Variants in NBPF3 observed in about 807,000 individuals in gnomAD.
NBPF3 encodes NBPF member 3, also known as NBPF family member NBPF3.
NBPF3 carries 57 observed loss-of-function variants against 78.1 expected under a neutral mutation model. The ratio of observed to expected loss-of-function variants is 0.73; its 90% CI spans 0.59 to 0.91. The LOEUF (loss-of-function observed/expected upper bound fraction) is 0.91. NBPF3 is among the 40% of genes least tolerant of loss of function. NBPF3 has a pLI of 0.00. For synonymous variants in NBPF3, 182 were observed against 271.7 expected (o/e 0.67, Z 3.25); for missense variants, 510 against 715.3 (o/e 0.71, Z 3.27).
At chr1:21,473,154 T>C (rs1311359442) in intron 6 of NBPF3, among the ~76,000 whole-genome samples, 3 of 152,226 alleles carry the variant, frequency 2.0e-5, no homozygotes, top group Non-Finnish European at 4.4e-5. Flanking sequence ...GGCTCCTATC[T>C]GTCCAGTGCA....
intron 2 of NBPF3, among the ~76,000 whole-genome samples, chr1:21,458,518 A>C (rs1569992363): frequency 6.6e-6 from 1 of 152,202 alleles, no homozygotes; most frequent in East Asian, 1.9e-4. Flanking sequence ...GGAATGATAG[A>C]AATGTCCAAT....
chr1:21,443,666 T>C (rs1274468964), intron 1 of NBPF3, among the ~76,000 whole-genome samples: 1 of 151,658 alleles, frequency 6.6e-6, no homozygotes, highest in African/African-American at 2.4e-5. Flanking sequence ...CAGGCTGGAG[T>C]GCAGTGGTAT....
chr1:21,437,622 C>G, upstream of NBPF3: 1 of 416,474 alleles, frequency 2.4e-6, no homozygotes, highest in Non-Finnish European at 4.2e-6. Context: ...TGACTCTGCA[C>G]TAATATGGTC....
chr1:21,449,358 T>C (rs182212109), intron 2 of NBPF3, among the ~76,000 whole-genome samples: 23,583 of 152,098 alleles, frequency 0.16, 2,326 homozygotes, highest in Non-Finnish European at 0.22. Flanking sequence ...TACCAAACCT[T>C]GTCTGGTGAG....
At chr1:21,446,779 C>T (rs996527699) in intron 2 of NBPF3, among the ~76,000 whole-genome samples, 1 of 152,032 alleles carries the variant, frequency 6.6e-6, no homozygotes, top group African/African-American at 2.4e-5. Flanking sequence ...CAGCCCCCTC[C>T]TTTGATTTGT....
rs778116740 is a variant in NBPF3 at position 21,471,626 on chromosome 1, G to A, written c.504G>A (p.Lys168=). 27 of 1,612,522 alleles carry A rather than the reference G, an allele frequency of 1.7e-5. No homozygotes were observed. The South Asian group carries it at 2.9e-4, about 17-fold the overall frequency. The change falls in exon 5 of 15, where the codon AAG becomes AAA. Residue 168 remains lysine, a synonymous_variant. Transcript: ENST00000318249. ...GAGAGCTGACCCAGTTAAGGGAGAA[G>A]TTACAGGAAGGGAGAGATGCCTCCC... ...QERELTQLRE[K]LQEGRDASRS...
At chr1:21,477,253 C>T (rs7516019) in intron 8 of NBPF3, among the ~76,000 whole-genome samples, 4,181 of 152,186 alleles carry the variant, frequency 0.027, 162 homozygotes, top group African/African-American at 0.089. Flanking sequence ...AGTTTATTAC[C>T]GACTTCTGAA....
chr1:21,459,620 G>T (rs934056458), intron 2 of NBPF3: 11 of 232,674 alleles, frequency 4.7e-5, no homozygotes, highest in African/African-American at 1.9e-4. Flanking sequence ...GGAAAGGGGG[G>T]CAAAGCTGTG....
chr1:21,464,694 TAAA>T (rs76554786), intron 2 of NBPF3, among the ~76,000 whole-genome samples: 25 of 147,740 alleles, frequency 1.7e-4, no homozygotes, highest in Admixed American at 2.7e-4. Context: ...GTATTTTCAT[TAAA>T]AAAAAAAAAG....
chr1:21,446,446 T>TTTCC (rs34605179), intron 2 of NBPF3: 14,534 of 104,622 alleles, frequency 0.14, 1,247 homozygotes, highest in East Asian at 0.23. Flanking sequence ...AATTTGTTCA[T>TTTCC]TTCCTTCCTT....
intron 2 of NBPF3, among the ~76,000 whole-genome samples, chr1:21,447,187 A>G (rs565145546): frequency 6.8e-4 from 104 of 152,188 alleles, no homozygotes; most frequent in Non-Finnish European, 1.2e-3. Flanking sequence ...CCTGTCCTCC[A>G]CACAATTTCT....
At chr1:21,471,412 T>C (rs1352202706) in intron 4 of NBPF3, among the ~76,000 whole-genome samples, 157 bp from the exon 5 acceptor site, 5 of 152,196 alleles carry the variant, frequency 3.3e-5, no homozygotes, top group Admixed American at 3.3e-4. Context: ...CCATTTTTTA[T>C]TCTTTCTCTT....
chr1:21,479,119 A>G (rs545423023), intron 9 of NBPF3, among the ~76,000 whole-genome samples: 4 of 152,384 alleles, frequency 2.6e-5, no homozygotes, highest in African/African-American at 9.6e-5. Flanking sequence ...GACAGAGCAC[A>G]CTGGGAAGAT....
chr1:21,442,491 C>T (rs1377275984), intron 1 of NBPF3: 1 of 152,190 alleles, frequency 6.6e-6, no homozygotes, highest in East Asian at 1.9e-4. Context: ...ATTGGGATTA[C>T]AGGCATGAGC....
intron 2 of NBPF3, among the ~76,000 whole-genome samples, chr1:21,458,013 A>G (rs1641728834): frequency 6.6e-6 from 1 of 152,232 alleles, no homozygotes; most frequent in Non-Finnish European, 1.5e-5. Context: ...GCATTCATCT[A>G]AATACAGAAG....
At chr1:21,436,926 C>T (rs1403296405), upstream of NBPF3, 1 of 386,214 alleles carries the variant, frequency 2.6e-6, no homozygotes, top group African/African-American at 2.1e-5. The surrounding 1 kb of genome is among the most constrained non-coding windows in gnomAD (Gnocchi z 4.3). Context: ...TCTGAGCGCC[C>T]TGGGGTGCAG....
chr1:21,452,067 T>G (rs1005485890), intron 2 of NBPF3, among the ~76,000 whole-genome samples: 8 of 152,160 alleles, frequency 5.3e-5, no homozygotes, highest in African/African-American at 1.9e-4. Flanking sequence ...GTACAACAAT[T>G]TTCTAAACAT....
chr1:21,479,357 T>C lies in NBPF3; in HGVS notation c.1165T>C (p.Cys389Arg). 1 of 1,611,228 alleles carries C rather than the reference T, an allele frequency of 6.2e-7. No homozygotes were observed. The highest frequency in any genetic ancestry group is 8.5e-7 in the Non-Finnish European group (1 of 1,178,326). ...TCTGAATTTATTTGCAGGACATTGG[T>C]GTGATCAAGTGAAAAAGGAGGACCA... The part of the protein sequence containing the change: ...GLALDIGRHW[C>R]DQVKKEDQEA... Residue 389 changes from cysteine to arginine, a missense_variant, in exon 10 of 15, where the codon TGT becomes CGT. By Grantham distance (180) the Cys-to-Arg change is radical. This residue lies in a region of NBPF3 where 440 missense variants were observed against 478.2 expected (regional missense o/e 0.92). Transcript: ENST00000318249.
At chr1:21,479,820 C>CTCTCTGTGTGTGTGTGTGTGTG (rs766796014) in intron 10 of NBPF3, among the ~76,000 whole-genome samples, 105 of 102,806 alleles carry the variant, frequency 1.0e-3, no homozygotes, top group African/African-American at 2.5e-3. Context: ...CTCTCTCTCT[C>CTCTCTGTGTGTGTGTGTGTGTG]TGTGTGTGTG....
Sources: gnomAD v4.1 joint callset for allele counts (sites outside exome capture counted in the v4.1 genomes callset) on GRCh38, gnomAD v4.1.1 for gene constraint, gnomAD v4.1.1 regional missense constraint, Gnocchi (gnomAD v3.1) non-coding constraint, MANE v1.5 for transcripts, NCBI Gene and HGNC (gene_info 2026-07-23, HGNC 2026-07-21) for gene names.